MAF: variants seen among roughly 807,000 people sequenced by gnomAD.
The protein encoded by MAF is transcription factor Maf.
MAF carries 10 observed loss-of-function variants against 22.0 expected under a neutral mutation model. That is an observed-to-expected ratio of 0.45 (90% CI 0.28 to 0.77). The LOEUF (loss-of-function observed/expected upper bound fraction) is 0.77, where lower values mean the gene tolerates loss of function less well. Ranked by LOEUF, MAF falls within the 30% of genes least tolerant of loss-of-function variation. MAF has a pLI of 0.12. For missense variants in MAF, 544 were observed against 548.4 expected (o/e 0.99, Z 0.08); for synonymous variants, 337 against 255.8 (o/e 1.32, Z -3.03).
At chr16:79,495,131 C>T in the MAF span, among the ~76,000 whole-genome samples, 11 of 151,884 alleles carry the variant, frequency 7.2e-5, no homozygotes, top group Non-Finnish European at 1.2e-4. Context: ...ATTTGGTAGG[C>T]GTGATTGATT....
At chr16:79,225,843 C>T in the MAF span, among the ~76,000 whole-genome samples, 8 of 152,284 alleles carry the variant, frequency 5.3e-5, no homozygotes, top group Middle Eastern at 3.4e-3. Context: ...CATCTCACAC[C>T]AGTTAGAATG....
chr16:79,556,997 A>AC, the MAF span, among the ~76,000 whole-genome samples: 1 of 150,556 alleles, frequency 6.6e-6, no homozygotes, highest in Non-Finnish European at 1.5e-5. Context: ...AAAAAAAAAA[A>AC]TCAAGAGACA....
At chr16:79,503,972 ATGTTAACTGTTACAT>A in the MAF span, among the ~76,000 whole-genome samples, 1 of 152,236 alleles carries the variant, frequency 6.6e-6, no homozygotes, top group South Asian at 2.1e-4. Flanking sequence ...TGTCTGTAAC[ATGTTAACTGTTACAT>A]TGCAGGGGCT....
chr16:79,334,982 T>C, the MAF span, among the ~76,000 whole-genome samples: 2 of 151,146 alleles, frequency 1.3e-5, no homozygotes, highest in African/African-American at 4.9e-5. Flanking sequence ...GTCAGGAGAT[T>C]GAGACCAGCC....
At chr16:79,368,966 G>C in the MAF span, among the ~76,000 whole-genome samples, 592 of 152,178 alleles carry the variant, frequency 3.9e-3, no homozygotes, top group African/African-American at 7.6e-3. Flanking sequence ...TTGTTTTGCT[G>C]TCTCCTCCTA....
At chr16:79,433,453 T>C in the MAF span, among the ~76,000 whole-genome samples, 2 of 151,800 alleles carry the variant, frequency 1.3e-5, no homozygotes, top group Non-Finnish European at 2.9e-5. Context: ...GTAGCTCAAC[T>C]GTTTTCACTG....
chr16:79,539,261 C>T, the MAF span, among the ~76,000 whole-genome samples: 9 of 152,266 alleles, frequency 5.9e-5, no homozygotes, highest in African/African-American at 1.2e-4. Flanking sequence ...CCCAGCACTT[C>T]GGGAGGCCGA....
chr16:79,308,213 TG>T, the MAF span, among the ~76,000 whole-genome samples: 5 of 152,234 alleles, frequency 3.3e-5, no homozygotes, highest in Non-Finnish European at 7.3e-5. Context: ...GGGTCCACAT[TG>T]ATCATTTAAG....
chr16:79,227,113 G>C, the MAF span, among the ~76,000 whole-genome samples: 1 of 152,100 alleles, frequency 6.6e-6, no homozygotes, highest in East Asian at 1.9e-4. Context: ...TAAGGCAGCA[G>C]GATCCTTTCA....
chr16:79,390,828 C>A, the MAF span, among the ~76,000 whole-genome samples: 3 of 152,122 alleles, frequency 2.0e-5, no homozygotes, highest in Non-Finnish European at 4.4e-5. Flanking sequence ...TGGAGCATGC[C>A]GCCGTGGGGT....
At chr16:79,249,627 T>C in the MAF span, among the ~76,000 whole-genome samples, 2 of 152,114 alleles carry the variant, frequency 1.3e-5, no homozygotes, top group African/African-American at 4.8e-5. Flanking sequence ...GGTAATTTGT[T>C]CTAGCAGTCT....
At chr16:79,524,489 G>A in the MAF span, among the ~76,000 whole-genome samples, 2 of 152,218 alleles carry the variant, frequency 1.3e-5, no homozygotes, top group Non-Finnish European at 2.9e-5. Flanking sequence ...AAAGGTTAAA[G>A]TTGGCTATCC....
At chr16:79,371,128 CATT>C in the MAF span, among the ~76,000 whole-genome samples, 2 of 117,126 alleles carry the variant, frequency 1.7e-5, no homozygotes, top group African/African-American at 3.7e-5. Context: ...CATTCATTCA[CATT>C]TTTTTTTTTT....
At chr16:79,568,225 G>T in the MAF span, among the ~76,000 whole-genome samples, 1 of 152,224 alleles carries the variant, frequency 6.6e-6, no homozygotes, top group Non-Finnish European at 1.5e-5. Flanking sequence ...GGAGCTGGAA[G>T]CTCTGCAAAG....
the MAF span, among the ~76,000 whole-genome samples, chr16:79,318,504 C>T: frequency 6.6e-6 from 1 of 152,208 alleles, no homozygotes; most frequent in African/African-American, 2.4e-5. Context: ...ATAGATTCAT[C>T]AGCCTGAACC....
the MAF span, among the ~76,000 whole-genome samples, chr16:79,404,667 T>C: frequency 6.6e-6 from 1 of 151,908 alleles, no homozygotes; most frequent in Non-Finnish European, 1.5e-5. Context: ...GAATACTACT[T>C]ATTCTTAACT....
At chr16:79,424,094 G>A in the MAF span, among the ~76,000 whole-genome samples, 1 of 152,174 alleles carries the variant, frequency 6.6e-6, no homozygotes, top group Non-Finnish European at 1.5e-5. Flanking sequence ...CGCACTGCTA[G>A]GTATTTATAG....
At chr16:79,218,572 A>G in the MAF span, among the ~76,000 whole-genome samples, 1 of 152,138 alleles carries the variant, frequency 6.6e-6, no homozygotes. Flanking sequence ...TTTGTTTACA[A>G]CCTTATCAAC....
At chr16:79,570,011 CTT>C in the MAF span, among the ~76,000 whole-genome samples, 14,915 of 116,904 alleles carry the variant, frequency 0.13, 795 homozygotes, top group African/African-American at 0.15. Flanking sequence ...TGTCTTTGTT[CTT>C]TTTTTTTTTT....
Sources: allele counts gnomAD v4.1 joint callset (sites outside exome capture counted in the v4.1 genomes callset), GRCh38; gene constraint gnomAD v4.1.1; transcripts MANE v1.5; gene names NCBI Gene and HGNC (gene_info 2026-07-23, HGNC 2026-07-21).